The following EFCC1 variants were observed in gnomAD, a reference collection of about 807,000 sequenced individuals.
EFCC1 encodes the protein EF-hand and coiled-coil domain containing 1, also known as EF-hand and coiled-coil domain-containing protein 1.
In EFCC1, 50 loss-of-function variants were observed where a neutral mutation model predicts 52.1. The ratio of observed to expected loss-of-function variants is 0.96; its 90% confidence interval spans 0.76 to 1.21. The LOEUF (loss-of-function observed/expected upper bound fraction) is 1.21. Ranked by LOEUF, EFCC1 falls within the 50% of genes most tolerant of loss-of-function variation. The pLI, the probability that EFCC1 is intolerant of heterozygous loss-of-function variation, is 0.00. For synonymous variants in EFCC1, 399 were observed against 396.5 expected (o/e 1.01, Z -0.08); for missense variants, 837 against 867.3 (o/e 0.97, Z 0.44).
chr3:129,037,050 T>C lies in EFCC1; in HGVS notation c.1526T>C (p.Val509Ala). 4 of 1,613,232 alleles carry C rather than the reference T, an allele frequency of 2.5e-6. No individual in the cohort carries two copies. The highest frequency in any genetic ancestry group is 3.4e-6 in the Non-Finnish European group (4 of 1,179,848). ...CTGCAGATGGTAGAGACCGAGAGGG[T>C]GCGGCTGTCCCTGCTGGAGGAGAAG... ...LELQMVETER[V>A]RLSLLEEKLV... Residue 509 changes from valine (V) to alanine (A), a missense_variant, in exon 6 of 8, where the codon GTG becomes GCG. By Grantham distance (64) the Val-to-Ala change is moderately conservative (BLOSUM62 0). Coordinates refer to ENST00000683648, the MANE Select transcript of EFCC1 (RefSeq NM_001377500.1).
rs564675152 is a variant in EFCC1 at position 129,010,560 on chromosome 3, A to T, written c.980+6483A>T. Among the ~76,000 whole-genome samples, 3 of 152,072 alleles carry T rather than the reference A, an allele frequency of 2.0e-5. No homozygotes were observed. The South Asian group carries it at 6.2e-4, about 32-fold the overall frequency. On this transcript the variant is annotated intron_variant, in intron 2 of 7. Coordinates refer to ENST00000683648, the MANE Select transcript of EFCC1 (RefSeq NM_001377500.1). The surrounding 1 kb of genome is among the most constrained non-coding windows in gnomAD (Gnocchi z 4.3). ...GACGGCAATTGGCTGGCCACCGTGG[A>T]GGGGACACAAAGATGAGGCCATCTG...
intron 5 of EFCC1, among the ~76,000 whole-genome samples, chr3:129,035,369 G>C (rs1002428630): frequency 1.1e-4 from 17 of 152,196 alleles, no homozygotes; most frequent in Non-Finnish European, 2.4e-4. Context: ...AGCCCATGCC[G>C]CATCCACGCC....
At chr3:129,016,751 A>T (rs1559964099) in intron 2 of EFCC1, among the ~76,000 whole-genome samples, 1 of 152,046 alleles carries the variant, frequency 6.6e-6, no homozygotes, top group African/African-American at 2.4e-5. Context: ...GGCGGAACTG[A>T]TTAAGGAACA....
chr3:129,001,815 T>C lies in EFCC1; in HGVS notation c.187T>C (p.Phe63Leu), dbSNP rs761627107. 2 of 1,545,438 alleles carry C rather than the reference T, an allele frequency of 1.3e-6. No individual in the cohort carries two copies. The highest frequency in any genetic ancestry group is 2.4e-5 in the South Asian group (2 of 83,626). ...CCTGGACCAGTACCTGCAGGAGGTC[T>C]TCCACCACCTGGACTGCCGCGGCGC... ...TGLDQYLQEV[F>L]HHLDCRGAGR... The change falls in exon 1 of 8, where the codon TTC (phenylalanine) becomes CTC (leucine). Residue 63 changes from phenylalanine (F) to leucine (L), a missense_variant. Physicochemically the swap from Phe to Leu is conservative, Grantham distance 22. Coordinates refer to ENST00000683648, the MANE Select transcript of EFCC1 (RefSeq NM_001377500.1).
chr3:129,037,253 T>C (rs1459013897), intron 6 of EFCC1, 136 bp downstream of exon 6: 6 of 1,288,072 alleles, frequency 4.7e-6, no homozygotes, highest in Non-Finnish European at 6.1e-6. Context: ...GATGCAGAAA[T>C]GGAGGCTCAG....
In EFCC1 at chr3:129,011,985, C is replaced by T. The variant is rs1451494632; in HGVS notation, c.980+7908C>T. Among the ~76,000 whole-genome samples, 4 of 152,216 alleles carry T rather than the reference C, an allele frequency of 2.6e-5. No homozygotes were observed. The South Asian group carries it at 6.2e-4, about 24-fold the overall frequency. ...GCACAGCCAGGCTGGATTCAGTCCA[C>T]GAGTCTGTAGCTCTTTCTGCTACTT... is the stretch of plus-strand genomic sequence containing the variant. On this transcript the variant is annotated intron_variant, in intron 2 of 7. Coordinates refer to ENST00000683648, the MANE Select transcript of EFCC1 (RefSeq NM_001377500.1).
At chr3:129,024,255 G>A (rs957840937) in intron 2 of EFCC1, among the ~76,000 whole-genome samples, 1 of 152,122 alleles carries the variant, frequency 6.6e-6, no homozygotes, top group African/African-American at 2.4e-5. Context: ...TTGGGGCTGG[G>A]TCTAGTGGCT....
rs1423977488 is a variant in EFCC1, at chr3:129,001,855, G to A, written c.227G>A (p.Arg76His). The A allele has an allele frequency of 1.9e-6, 3 of 1,546,156 alleles. No homozygotes were observed. The highest frequency in any genetic ancestry group is 2.4e-5 in the South Asian group (2 of 83,526). Reference protein sequence around the residue: ...LDCRGAGRLPRADFRALCAVL... With the variant: ...LDCRGAGRLPHADFRALCAVL... The stretch of plus-strand genomic sequence containing the variant: ...TGCCGCGGCGCCGGCCGTCTGCCCC[G>A]CGCCGACTTCCGAGCGCTCTGCGCT... The change falls in exon 1 of 8, where the codon CGC (arginine) becomes CAC (histidine). Residue 76 changes from arginine (R) to histidine (H), a missense_variant. Arg to His is a conservative substitution (Grantham distance 29). Transcript: ENST00000683648.
chr3:129,017,317 T>G (rs1361658447), intron 2 of EFCC1, among the ~76,000 whole-genome samples: 1 of 152,238 alleles, frequency 6.6e-6, no homozygotes, highest in East Asian at 1.9e-4. Context: ...TTTGGATGGC[T>G]GAATTTGGTT....
rs111553624 is a variant in EFCC1 at position 129,009,679 on chromosome 3, A to C, written c.980+5602A>C. Among the ~76,000 whole-genome samples, 1,334 of 152,312 alleles carry C rather than the reference A, an allele frequency of 8.8e-3. 21 individuals are homozygous for C. Among genetic ancestry groups the C allele is most frequent in the African/African-American group, 0.03 (1,256 of 41,548 alleles). On this transcript the variant is annotated intron_variant, in intron 2 of 7. Coordinates refer to ENST00000683648, the MANE Select transcript of EFCC1 (RefSeq NM_001377500.1). ...TGTACCCCAGACACATTCAAGGAAC[A>C]CACCCCTTTGCCCCTCTCTGGAGCT...
chr3:129,022,139 G>T (rs554522053), intron 2 of EFCC1, among the ~76,000 whole-genome samples: 1 of 152,148 alleles, frequency 6.6e-6, no homozygotes, highest in African/African-American at 2.4e-5. Flanking sequence ...TATCTATATA[G>T]AACCTGTATT....
chr3:129,010,991 T>A lies in EFCC1; in HGVS notation c.980+6914T>A, dbSNP rs1306013568. Among the ~76,000 whole-genome samples, 1 of 152,120 alleles carries A rather than the reference T, an allele frequency of 6.6e-6. No homozygotes were observed. Among genetic ancestry groups the A allele is most frequent in the Non-Finnish European group, 1.5e-5 (1 of 68,020 alleles). On this transcript the variant is annotated intron_variant, in intron 2 of 7. Transcript: ENST00000683648. This position sits in a 1 kb window ranked among gnomAD's most constrained non-coding sequence, Gnocchi z 4.3. The stretch of plus-strand genomic sequence containing the variant: ...AGGAGCTAGAGCTGTTCCCTTCACT[T>A]CTGTGAGTCTCAGTTTCCTCGGCTA...
At chr3:129,022,217 C>A (rs1343662094) in intron 2 of EFCC1, among the ~76,000 whole-genome samples, 1 of 152,192 alleles carries the variant, frequency 6.6e-6, no homozygotes, top group African/African-American at 2.4e-5. Context: ...TCATTTCATC[C>A]TCATAGGACC....
At chr3:129,005,342 T>C (rs991116797) in intron 2 of EFCC1, among the ~76,000 whole-genome samples, 5 of 151,892 alleles carry the variant, frequency 3.3e-5, no homozygotes, top group Admixed American at 1.3e-4. Context: ...TTCTAGAAAA[T>C]TGGAACAGTA....
chr3:129,030,882 T>C (rs1946258732), intron 3 of EFCC1, 22 bp downstream of exon 3: 8 of 1,539,802 alleles, frequency 5.2e-6, no homozygotes, highest in Non-Finnish European at 7.0e-6. Context: ...GTGCGCCCAG[T>C]CTTCCTGCCA....
At chr3:129,035,551 A>G (rs1384013614) in intron 5 of EFCC1, among the ~76,000 whole-genome samples, 1 of 152,244 alleles carries the variant, frequency 6.6e-6, no homozygotes, top group Non-Finnish European at 1.5e-5. Context: ...AGTAGATTGG[A>G]CAAAGACCAG....
At chr3:129,030,437 T>C (rs1040940118) in intron 2 of EFCC1, 2 of 303,842 alleles carry the variant, frequency 6.6e-6, no homozygotes, top group South Asian at 3.1e-4. Context: ...GCATTTCTTT[T>C]CCTAGAGGTT....
chr3:129,009,987 C>G (rs887971038), intron 2 of EFCC1, among the ~76,000 whole-genome samples: 1 of 152,218 alleles, frequency 6.6e-6, no homozygotes, highest in Non-Finnish European at 1.5e-5. Flanking sequence ...CCTGAGGGAG[C>G]ACAAGGGCTT....
chr3:129,034,278 G>A lies in EFCC1; in HGVS notation c.1401G>A (p.Gln467=). 1 of 1,614,166 alleles carries A rather than the reference G, an allele frequency of 6.2e-7. No homozygotes were observed. The highest frequency in any genetic ancestry group is 1.3e-5 in the African/African-American group (1 of 75,028). The change falls in exon 5 of 8, where the codon CAG becomes CAA. Residue 467 remains glutamine (Q), a synonymous_variant. Transcript: ENST00000683648. ...LEACIAMLVE[Q]LRTQGCGGRT... is the part of the protein sequence containing the mutation. ...CCTGCATTGCCATGCTGGTGGAGCA[G>A]CTGAGGACTCAGGGCTGCGGTGGGA...
Sources: gnomAD v4.1 joint callset for allele counts (sites outside exome capture counted in the v4.1 genomes callset) on GRCh38, gnomAD v4.1.1 for gene constraint, Gnocchi (gnomAD v3.1) non-coding constraint, MANE v1.5 for transcripts, NCBI Gene and HGNC (gene_info 2026-07-23, HGNC 2026-07-21) for gene names.